The following PTPRD variants were observed in gnomAD, a reference collection of about 807,000 sequenced individuals.
PTPRD encodes the protein receptor-type tyrosine-protein phosphatase delta.
PTPRD carries 34 observed loss-of-function variants against 214.5 expected under a neutral mutation model. The observed-to-expected ratio is 0.16, with a 90% CI of 0.12 to 0.21. The LOEUF (loss-of-function observed/expected upper bound fraction) is 0.21. PTPRD is among the 10% of genes least tolerant of loss of function. PTPRD has a pLI of 1.00. For synonymous variants in PTPRD, 1,128 were observed against 845.7 expected (o/e 1.33, Z -5.79); for missense variants, 2,545 against 2,398.7 (o/e 1.06, Z -1.27).
intron 9 of PTPRD, among the ~76,000 whole-genome samples, chr9:9,344,269 T>A (rs551898856): frequency 6.6e-6 from 1 of 151,336 alleles, no homozygotes; most frequent in African/African-American, 2.4e-5. Context: ...TAAGTGGGAG[T>A]TGCACAGTGA....
At chr9:10,503,287 T>C (rs2044536881) in intron 2 of PTPRD, among the ~76,000 whole-genome samples, 1 of 151,308 alleles carries the variant, frequency 6.6e-6, no homozygotes, top group Non-Finnish European at 1.5e-5. Context: ...CACTTTGTCG[T>C]GATCATCAAT....
At chr9:10,433,406 A>T (rs1166104897) in intron 2 of PTPRD, among the ~76,000 whole-genome samples, 1 of 151,988 alleles carries the variant, frequency 6.6e-6, no homozygotes, top group Non-Finnish European at 1.5e-5. Flanking sequence ...GTTTCAGGAC[A>T]TAGTTCAAGG....
intron 2 of PTPRD, among the ~76,000 whole-genome samples, chr9:10,442,928 T>C (rs1297630217): frequency 2.0e-5 from 3 of 151,408 alleles, no homozygotes; most frequent in African/African-American, 7.3e-5. Flanking sequence ...TATTAGTTGA[T>C]TGTTGTATGT....
intron 2 of PTPRD, among the ~76,000 whole-genome samples, chr9:10,430,800 G>T (rs929331705): frequency 2.0e-5 from 3 of 151,816 alleles, no homozygotes; most frequent in Non-Finnish European, 2.9e-5. Flanking sequence ...ATGGTAGGAG[G>T]CAATAGACCT....
intron 39 of PTPRD, among the ~76,000 whole-genome samples, chr9:8,347,061 G>A (rs1278727216): frequency 6.6e-6 from 1 of 151,888 alleles, no homozygotes; most frequent in Non-Finnish European, 1.5e-5. Context: ...GGCATCCACT[G>A]GGGATGTTGG....
chr9:10,241,105 C>T (rs79811979), intron 3 of PTPRD, among the ~76,000 whole-genome samples: 3,072 of 151,544 alleles, frequency 0.02, 123 homozygotes, highest in East Asian at 0.14. Flanking sequence ...AGATGCTCAA[C>T]ATCATTAACT....
At chr9:9,089,958 C>T (rs968202113) in intron 10 of PTPRD, among the ~76,000 whole-genome samples, 1 of 151,990 alleles carries the variant, frequency 6.6e-6, no homozygotes, top group African/African-American at 2.4e-5. Flanking sequence ...TAATGTTTGT[C>T]CATATTTATG....
intron 7 of PTPRD, among the ~76,000 whole-genome samples, chr9:9,577,095 A>G (rs1466665968): frequency 6.6e-6 from 1 of 152,174 alleles, no homozygotes; most frequent in Non-Finnish European, 1.5e-5. Context: ...AAGTTCAGGG[A>G]TTCCAGAAAT....
chr9:10,410,589 T>C (rs1217877152), intron 2 of PTPRD, among the ~76,000 whole-genome samples: 3 of 151,690 alleles, frequency 2.0e-5, no homozygotes, highest in Non-Finnish European at 2.9e-5. Context: ...TATGTATTCA[T>C]AGCTTCTTAC....
intron 10 of PTPRD, among the ~76,000 whole-genome samples, chr9:9,148,006 T>A (rs909439401): frequency 6.6e-6 from 1 of 152,196 alleles, no homozygotes; most frequent in South Asian, 2.1e-4. Context: ...AGGGCTTGTT[T>A]TAGGAATGCA....
intron 9 of PTPRD, among the ~76,000 whole-genome samples, chr9:9,193,196 A>G (rs983559860): frequency 2.0e-5 from 3 of 152,182 alleles, no homozygotes; most frequent in African/African-American, 7.2e-5. Context: ...ATGCTAAATT[A>G]GAATCCACTG....
chr9:8,640,481 T>A (rs2096549671), intron 12 of PTPRD, among the ~76,000 whole-genome samples: 2 of 151,134 alleles, frequency 1.3e-5, no homozygotes, highest in Non-Finnish European at 2.9e-5. Flanking sequence ...AATAACCAGT[T>A]AGAATCTATT....
chr9:8,810,794 C>G (rs1209981767), intron 11 of PTPRD, among the ~76,000 whole-genome samples: 1 of 152,138 alleles, frequency 6.6e-6, no homozygotes, highest in African/African-American at 2.4e-5. Flanking sequence ...AAAAGTGGGA[C>G]AAAGGAAGAA....
chr9:8,655,922 A>G (rs148112937), intron 12 of PTPRD, among the ~76,000 whole-genome samples: 58 of 152,220 alleles, frequency 3.8e-4, no homozygotes, highest in African/African-American at 1.2e-3. Context: ...AGAATCTTCC[A>G]TGGTTCGCTA....
rs2057354437 is a variant in PTPRD, at chr9:9,838,210, A to G, written c.-367-71359T>C. Among the ~76,000 whole-genome samples, 4 of 152,182 alleles carry G rather than the reference A, an allele frequency of 2.6e-5. No individual in the cohort carries two copies. In the South Asian group the frequency reaches 8.3e-4, roughly 31 times the overall value. ...TGGTTCCAAGTCTTTGCTATTGTGA[A>G]TAGTGCTGCAATAAACATAGGTGTG... On this transcript the variant is annotated intron_variant, in intron 5 of 45. Transcript: ENST00000381196.
intron 5 of PTPRD, chr9:9,800,789 G>A (rs543799732): frequency 9.2e-5 from 14 of 152,242 alleles, no homozygotes; most frequent in African/African-American, 2.4e-4. Flanking sequence ...GGTCAATAAA[G>A]GAGCTCATCC....
intron 4 of PTPRD, among the ~76,000 whole-genome samples, chr9:9,996,924 A>C (rs151050296): frequency 6.6e-6 from 1 of 152,320 alleles, no homozygotes; most frequent in African/African-American, 2.4e-5. Flanking sequence ...GTTATCAAAA[A>C]CATACATTTG....
intron 14 of PTPRD, among the ~76,000 whole-genome samples, chr9:8,552,400 T>A (rs199951631): frequency 6.6e-6 from 1 of 152,266 alleles, no homozygotes; most frequent in East Asian, 1.9e-4. Context: ...ATGACATGTG[T>A]TTTTGGATTT....
intron 9 of PTPRD, among the ~76,000 whole-genome samples, chr9:9,236,587 C>T (rs2099966873): frequency 7.8e-6 from 1 of 127,770 alleles, no homozygotes; most frequent in South Asian, 2.7e-4. Context: ...TTCCTTAGTA[C>T]ATTCCTTTAG....
Sources: allele counts gnomAD v4.1 joint callset (sites outside exome capture counted in the v4.1 genomes callset), GRCh38; gene constraint gnomAD v4.1.1; transcripts MANE v1.5; gene names NCBI Gene and HGNC (gene_info 2026-07-23, HGNC 2026-07-21).